TCOF1: variants seen among roughly 807,000 people sequenced by gnomAD.
TCOF1 encodes treacle ribosome biogenesis factor 1, also known as treacle protein.
Under a neutral mutation model 149.0 loss-of-function variants are expected in TCOF1, and 33 were observed. That is an observed-to-expected ratio of 0.22 (90% CI 0.17 to 0.30). The LOEUF (loss-of-function observed/expected upper bound fraction) is 0.30. TCOF1 is among the 10% of genes least tolerant of loss of function. The probability of loss-of-function intolerance (pLI) is 1.00; values close to 1 mark genes in which losing one functional copy is unlikely to be tolerated. For synonymous variants in TCOF1, 789 were observed against 738.8 expected, an observed-to-expected ratio of 1.07 and a Z score of -1.10; for missense variants, 1,728 against 1,840.7, an observed-to-expected ratio of 0.94 and a Z score of 1.12.
rs1393473624 is a variant in TCOF1 at position 150,376,214 on chromosome 5, G to T, written c.2026G>T (p.Ala676Ser). The T allele has an allele frequency of 6.2e-7, 1 of 1,614,224 alleles. No homozygotes were observed. Among genetic ancestry groups the T allele is most frequent in the Admixed American group, 1.7e-5 (1 of 60,032 alleles). The stretch of plus-strand genomic sequence containing the variant: ...GAAAGCAGGAACTGCGACTTCTCCA[G>T]CAGGCTCATCCCCAGCTGTGGCTGG... ...PRKAGTATSPAGSSPAVAGGT... is the reference protein window; with the variant it reads ...PRKAGTATSPSGSSPAVAGGT... Residue 676 changes from alanine (A) to serine (S), a missense_variant, in exon 13 of 27, where the codon GCA (alanine) becomes TCA (serine). Around this residue, in one of 2 missense-constraint regions of TCOF1, gnomAD observed 1,696 missense variants for 1,765.4 expected, o/e 0.96. Transcript: ENST00000643257.
intron 24 of TCOF1, among the ~76,000 whole-genome samples, chr5:150,397,176 G>T (rs1242891819): frequency 2.0e-5 from 2 of 97,742 alleles, no homozygotes; most frequent in African/African-American, 6.8e-5. Context: ...AAAAAAAAAG[G>T]CTGAGAAGTG....
chr5:150,382,182 G>A (rs550729010), intron 17 of TCOF1, among the ~76,000 whole-genome samples: 1 of 152,076 alleles, frequency 6.6e-6, no homozygotes, highest in East Asian at 1.9e-4. Context: ...AAAGAGATTA[G>A]GGGGTAGACT....
chr5:150,399,052 G>A lies in TCOF1; in HGVS notation c.*4G>A. The A allele has an allele frequency of 6.2e-7, 1 of 1,614,256 alleles. No individual in the cohort carries two copies. The highest frequency in any genetic ancestry group is 8.5e-7 in the Non-Finnish European group (1 of 1,180,050). ...GACAGCAGAGCAGACTGTATGACGA[G>A]CACCAGCACCAGGCACAGGTACGCT... On this transcript the variant is annotated 3_prime_UTR_variant, in exon 26 of 27. Transcript: ENST00000643257.
chr5:150,398,794 T>C (rs1045614372), intron 25 of TCOF1, among the ~76,000 whole-genome samples: 17 of 152,364 alleles, frequency 1.1e-4, no homozygotes, highest in Middle Eastern at 3.4e-3. Context: ...ACAGCTGTCC[T>C]CACGGCGCGG....
Position 150,376,436 on chromosome 5 carries a change from G to A in TCOF1, c.2156G>A (p.Gly719Glu), listed in dbSNP as rs749425726. The A allele has an allele frequency of 1.2e-6, 2 of 1,614,208 alleles. No homozygotes were observed. Among genetic ancestry groups the A allele is most frequent in the Non-Finnish European group, 1.7e-6 (2 of 1,180,042 alleles). Residue 719 changes from glycine to glutamate, a missense_variant, in exon 14 of 27, where the codon GGG becomes GAG. By Grantham distance (98) the Gly-to-Glu change is moderately conservative (BLOSUM62 -2). Transcript: ENST00000643257. ...TTGTCATCCCAGGCAAAGTCTGTGG[G>A]GAAAGGCCTCCAGGTGAAAGCAGCC... ...AVTVGQAKSV[G>E]KGLQVKAASV... is the part of the protein sequence containing the mutation.
chr5:150,362,691 T>G (rs1414149288), intron 2 of TCOF1, among the ~76,000 whole-genome samples: 1 of 152,100 alleles, frequency 6.6e-6, no homozygotes, highest in Non-Finnish European at 1.5e-5. Flanking sequence ...CTAAGGTCTT[T>G]GAAAACCCTG....
intron 21 of TCOF1, 83 bp downstream of exon 21, chr5:150,392,259 T>G (rs561386301): frequency 7.0e-7 from 1 of 1,422,010 alleles, no homozygotes; most frequent in South Asian, 1.3e-5. Context: ...TGGCCTCAGC[T>G]CCATATCTCA....
intron 6 of TCOF1, among the ~76,000 whole-genome samples, chr5:150,371,592 G>A (rs1581087474): frequency 6.6e-6 from 1 of 152,196 alleles, no homozygotes; most frequent in Non-Finnish European, 1.5e-5. Flanking sequence ...CAGAGGTGGT[G>A]TTCACATCCT....
In TCOF1 at chr5:150,357,759, A is replaced by C; in HGVS notation, c.13A>C (p.Arg5=). The C allele has an allele frequency of 6.5e-7, 1 of 1,549,320 alleles. No individual in the cohort carries two copies. Among genetic ancestry groups the C allele is most frequent in the African/African-American group, 1.4e-5 (1 of 73,134 alleles). Reference sequence around the variant, plus strand: ...GGGGGTCGCGGGTATGGCCGAGGCCAGGAAGCGGCGGGAGCTACTTCCCCT... The same window carrying C: ...GGGGGTCGCGGGTATGGCCGAGGCCCGGAAGCGGCGGGAGCTACTTCCCCT... The part of the protein sequence containing the change: MAEA[R]KRRELLPLIY... The change falls in exon 1 of 27, where the codon AGG becomes CGG. Residue 5 remains arginine (R), a synonymous_variant. Coordinates refer to ENST00000643257, the MANE Select transcript of TCOF1 (RefSeq NM_001371623.1).
intron 17 of TCOF1, chr5:150,383,180 A>G (rs1231132125): frequency 3.9e-6 from 6 of 1,534,036 alleles, no homozygotes; most frequent in East Asian, 2.4e-5. Flanking sequence ...CAGGTGCGCC[A>G]TGCCTTCTCT....
chr5:150,380,688 G>A (rs1764954727), intron 17 of TCOF1: 1 of 152,238 alleles, frequency 6.6e-6, no homozygotes, highest in South Asian at 2.1e-4. Flanking sequence ...GTGTGTGATG[G>A]AAATGACTGA....
At chr5:150,369,705 A>T in intron 6 of TCOF1, 103 bp downstream of exon 6, 1 of 1,297,316 alleles carries the variant, frequency 7.7e-7, no homozygotes, top group African/African-American at 1.5e-5. Flanking sequence ...GAGTTCAGCA[A>T]CTGTGGTAGG....
At chr5:150,399,125 C>G in intron 26 of TCOF1, 55 bp downstream of exon 26, 2 of 1,608,326 alleles carry the variant, frequency 1.2e-6, no homozygotes, top group Admixed American at 3.3e-5. Context: ...CTCTGGTGTC[C>G]CCTGTGGTCC....
At position 150,400,029 on chromosome 5, in the gene TCOF1, G is replaced by A. The variant is rs1306418452; in HGVS notation, c.*242G>A. On this transcript the variant is annotated 3_prime_UTR_variant, in exon 27 of 27. Coordinates refer to ENST00000643257, the MANE Select transcript of TCOF1 (RefSeq NM_001371623.1). ...GACCTCACCCCACTCCCCCAACACAGGACGCTTCATATAGATGTGTACAGT... is the reference window on the plus strand; with the variant it reads ...GACCTCACCCCACTCCCCCAACACAAGACGCTTCATATAGATGTGTACAGT... 6.6e-6 allele frequency: 1 copy of A among 152,280 alleles called. No homozygotes were observed. The highest frequency in any genetic ancestry group is 2.4e-5 in the African/African-American group (1 of 41,416). The allele number at this position is 152,280 out of a possible 1,614,324, so 9.4% of individuals were successfully genotyped here.
intron 17 of TCOF1, among the ~76,000 whole-genome samples, chr5:150,382,833 C>G (rs1765496809): frequency 6.6e-6 from 1 of 152,220 alleles, no homozygotes; most frequent in African/African-American, 2.4e-5. Flanking sequence ...AGTCATAAAT[C>G]CCTTTCATGT....
chr5:150,376,738 C>G (rs1763898807), intron 14 of TCOF1, 118 bp downstream of exon 14: 4 of 979,836 alleles, frequency 4.1e-6, no homozygotes, highest in Non-Finnish European at 4.8e-6. Flanking sequence ...CAGAGGTAGC[C>G]TCAACACAGC....
intron 3 of TCOF1, among the ~76,000 whole-genome samples, chr5:150,366,283 G>A (rs935889651): frequency 2.0e-5 from 3 of 152,170 alleles, no homozygotes; most frequent in Non-Finnish European, 4.4e-5. Flanking sequence ...TCCAGGCATT[G>A]GAGGTTGCAG....
chr5:150,362,981 T>C (rs1043415079), intron 2 of TCOF1, among the ~76,000 whole-genome samples: 4 of 152,206 alleles, frequency 2.6e-5, no homozygotes, highest in African/African-American at 9.6e-5. Context: ...TGAGTGGATT[T>C]CTTGGCCTCC....
At chr5:150,362,082 T>G (rs1252918292) in intron 2 of TCOF1, among the ~76,000 whole-genome samples, 1 of 152,096 alleles carries the variant, frequency 6.6e-6, no homozygotes, top group Admixed American at 6.5e-5. Flanking sequence ...ATCATAGGGA[T>G]GAAACCAGGG....
Sources: gnomAD v4.1 joint callset for allele counts (sites outside exome capture counted in the v4.1 genomes callset) on GRCh38, gnomAD v4.1.1 for gene constraint, gnomAD v4.1.1 regional missense constraint, MANE v1.5 for transcripts, NCBI Gene and HGNC (gene_info 2026-07-23, HGNC 2026-07-21) for gene names.